Variants in DACH1 observed in about 807,000 individuals in gnomAD.
The protein encoded by DACH1 is dachshund family transcription factor 1.
In DACH1, 12 loss-of-function variants were observed where a neutral mutation model predicts 54.2. That is an observed-to-expected ratio of 0.22 (90% CI 0.14 to 0.36). DACH1 has a LOEUF of 0.36. DACH1 is among the 10% of genes least tolerant of loss of function. The pLI, the probability that DACH1 is intolerant of heterozygous loss-of-function variation, is 1.00. For missense variants in DACH1, 805 were observed against 929.8 expected (o/e 0.87, Z 1.75); for synonymous variants, 386 against 366.2 (o/e 1.05, Z -0.62).
intron 1 of DACH1, among the ~76,000 whole-genome samples, chr13:71,695,462 GA>G (rs1347736645): frequency 6.6e-6 from 1 of 152,182 alleles, no homozygotes; most frequent in African/African-American, 2.4e-5. Context: ...AAAAAGAGAA[GA>G]AACTCTCAGA....
chr13:71,863,834 G>T (rs928626307), intron 1 of DACH1, among the ~76,000 whole-genome samples: 2 of 148,432 alleles, frequency 1.3e-5, no homozygotes, highest in African/African-American at 5.0e-5. Flanking sequence ...TATCTAGTGT[G>T]CTGTAAGAAA....
chr13:71,675,064 A>G, intron 2 of DACH1: 8 of 1,452,992 alleles, frequency 5.5e-6, no homozygotes, highest in Non-Finnish European at 7.7e-6. Flanking sequence ...TCTCTGTACC[A>G]CGGCTCGTAC....
chr13:71,793,063 A>G (rs529371799), intron 1 of DACH1, among the ~76,000 whole-genome samples: 1 of 152,298 alleles, frequency 6.6e-6, no homozygotes, highest in African/African-American at 2.4e-5. Context: ...AGAAGTATCA[A>G]ACATATTAAG....
chr13:71,731,527 C>T (rs1188817006), intron 1 of DACH1, among the ~76,000 whole-genome samples: 1 of 152,130 alleles, frequency 6.6e-6, no homozygotes, highest in Non-Finnish European at 1.5e-5. Context: ...TCGTGCTCGA[C>T]CCGCCTCGGC....
intron 1 of DACH1, among the ~76,000 whole-genome samples, chr13:71,797,166 C>A (rs1887090445): frequency 6.6e-6 from 1 of 151,886 alleles, no homozygotes; most frequent in Admixed American, 6.6e-5. Flanking sequence ...AATTTTTGAA[C>A]CACCCTGTAC....
intron 1 of DACH1, among the ~76,000 whole-genome samples, chr13:71,815,535 T>C (rs1887882346): frequency 6.6e-6 from 1 of 152,204 alleles, no homozygotes; most frequent in Non-Finnish European, 1.5e-5. Flanking sequence ...CATTTCAGAA[T>C]TTAAAATAAT....
intron 2 of DACH1, among the ~76,000 whole-genome samples, chr13:71,648,810 C>T (rs930877649): frequency 6.6e-6 from 1 of 152,140 alleles, no homozygotes; most frequent in Admixed American, 6.6e-5. Flanking sequence ...TCAATGATGA[C>T]AGTTTCCTTC....
At position 71,844,713 on chromosome 13, in the gene DACH1, C is replaced by T. The variant is rs544843307; in HGVS notation, c.848+21209G>A. Among the ~76,000 whole-genome samples the T allele has an allele frequency of 3.0e-4, 45 of 152,100 alleles. No homozygotes were observed. In the South Asian group the frequency reaches 8.9e-3, roughly 30 times the overall value. ...TTCCATCACTTCCCCTATATAATAA[C>T]TAACCTGGTGAAAAACTGTTACTAC... On this transcript the variant is annotated intron_variant, in intron 1 of 10. Coordinates refer to ENST00000613252, the MANE Select transcript of DACH1 (RefSeq NM_080759.6).
At chr13:71,653,937 C>T (rs1025907948) in intron 2 of DACH1, among the ~76,000 whole-genome samples, 1 of 151,992 alleles carries the variant, frequency 6.6e-6, no homozygotes, top group African/African-American at 2.4e-5. Flanking sequence ...AAGAATAGAA[C>T]CACTATTTAT....
rs1421924538 is a variant in DACH1 at position 71,866,518 on chromosome 13, G to A, written c.252C>T (p.Gly84=). The A allele has an allele frequency of 8.2e-7, 1 of 1,217,238 alleles. No individual in the cohort carries two copies. The allele number at this position is 1,217,238 out of a possible 1,614,324, so 75.4% of individuals were successfully genotyped here. ...CTCCGTTGCCGCTGCTGCCGCCGCC[G>A]CCTCCGCTGCCGCCGCCGCCGCCGC... ...GGGGGGGGSG[G]GGGSSGNGGG... is the part of the protein sequence containing the mutation. The change falls in exon 1 of 11, where the codon GGC becomes GGT. Residue 84 remains glycine, a synonymous_variant. Transcript: ENST00000613252.
chr13:71,678,305 A>T (rs1295005114), intron 2 of DACH1, among the ~76,000 whole-genome samples: 1 of 152,168 alleles, frequency 6.6e-6, no homozygotes, highest in South Asian at 2.1e-4. Context: ...TTTCCAGTTA[A>T]TGTTTTAAGA....
chr13:71,509,397 T>C (rs549176420), intron 6 of DACH1, among the ~76,000 whole-genome samples: 164 of 152,030 alleles, frequency 1.1e-3, no homozygotes, highest in African/African-American at 3.8e-3. Context: ...ATATAACTAG[T>C]AGAAAAAATT....
intron 6 of DACH1, among the ~76,000 whole-genome samples, chr13:71,524,834 C>A (rs1367876908): frequency 6.6e-6 from 1 of 151,970 alleles, no homozygotes; most frequent in Admixed American, 6.6e-5. Flanking sequence ...TCGCTCACTG[C>A]ACAAACCCAT....
intron 10 of DACH1, among the ~76,000 whole-genome samples, chr13:71,441,693 A>G (rs1189888910): frequency 1.3e-5 from 2 of 152,200 alleles, no homozygotes; most frequent in Middle Eastern, 3.4e-3. Context: ...AGGAAATAAA[A>G]AAGATAGTCT....
intron 1 of DACH1, among the ~76,000 whole-genome samples, chr13:71,725,702 T>A (rs1204451704): frequency 1.3e-5 from 2 of 152,134 alleles, no homozygotes; most frequent in African/African-American, 4.8e-5. Flanking sequence ...TAATTCACAA[T>A]ATTTGGGATG....
At chr13:71,666,281 G>T (rs1879826692) in intron 2 of DACH1, among the ~76,000 whole-genome samples, 3 of 152,060 alleles carry the variant, frequency 2.0e-5, no homozygotes, top group Admixed American at 2.0e-4. Flanking sequence ...CTTTATAAAT[G>T]CAAGAATATC....
At chr13:71,515,412 T>C (rs533914526) in intron 6 of DACH1, among the ~76,000 whole-genome samples, 2 of 152,088 alleles carry the variant, frequency 1.3e-5, no homozygotes, top group South Asian at 4.1e-4. Context: ...TGCTATTTTG[T>C]GATAACATGT....
At chr13:71,538,403 A>C (rs1882938311) in intron 6 of DACH1, among the ~76,000 whole-genome samples, 1 of 119,582 alleles carries the variant, frequency 8.4e-6, no homozygotes, top group East Asian at 2.1e-4. Flanking sequence ...TTACTTCATC[A>C]AAATGATTTT....
intron 1 of DACH1, among the ~76,000 whole-genome samples, chr13:71,779,160 T>C (rs1049503333): frequency 1.2e-4 from 9 of 76,022 alleles, no homozygotes; most frequent in African/African-American, 2.0e-4. Context: ...CATATATACG[T>C]ATATACGTAT....
Sources: gnomAD v4.1 joint callset for allele counts (sites outside exome capture counted in the v4.1 genomes callset) on GRCh38, gnomAD v4.1.1 for gene constraint, MANE v1.5 for transcripts, NCBI Gene and HGNC (gene_info 2026-07-23, HGNC 2026-07-21) for gene names.